Variants in DDX10 observed in about 807,000 individuals in gnomAD.
DDX10 encodes probable ATP-dependent RNA helicase DDX10.
DDX10 carries 74 observed loss-of-function variants against 104.3 expected under a neutral mutation model. The observed-to-expected ratio is 0.71, with a 90% CI of 0.59 to 0.86. The LOEUF (loss-of-function observed/expected upper bound fraction) is 0.86, where lower values mean the gene tolerates loss of function less well. DDX10 is among the 40% of genes least tolerant of loss of function. DDX10 has a pLI of 0.00. For missense variants in DDX10, 952 were observed against 1,040.0 expected, an observed-to-expected ratio of 0.92 and a Z score of 1.16; for synonymous variants, 351 against 353.4, an observed-to-expected ratio of 0.99 and a Z score of 0.08.
chr11:108,887,100 G>A (rs1368188531), intron 16 of DDX10, among the ~76,000 whole-genome samples: 3 of 152,068 alleles, frequency 2.0e-5, no homozygotes, highest in Non-Finnish European at 2.9e-5. Context: ...CCATGTTGTA[G>A]AGTTTGGAAA....
intron 13 of DDX10, among the ~76,000 whole-genome samples, chr11:108,785,075 C>T (rs918076822): frequency 6.6e-6 from 1 of 152,142 alleles, no homozygotes; most frequent in Non-Finnish European, 1.5e-5. Flanking sequence ...CAGTACCATG[C>T]TGTTTTGATC....
At chr11:108,692,181 A>G in intron 8 of DDX10, 143 bp downstream of exon 8, 2 of 693,582 alleles carry the variant, frequency 2.9e-6, no homozygotes. Flanking sequence ...GTAAATTGGT[A>G]GCAGTTGACT....
chr11:108,772,279 T>C (rs914021698), intron 13 of DDX10, among the ~76,000 whole-genome samples: 3 of 152,220 alleles, frequency 2.0e-5, no homozygotes, highest in Non-Finnish European at 4.4e-5. Context: ...ATTGCAGATA[T>C]AATTAAAAAT....
chr11:108,827,544 A>T (rs1284503108), intron 13 of DDX10, among the ~76,000 whole-genome samples: 1 of 152,352 alleles, frequency 6.6e-6, no homozygotes, highest in Admixed American at 6.5e-5. Context: ...AAGATTGGTA[A>T]ATATGGATAT....
At chr11:108,717,483 G>C (rs996231205) in intron 11 of DDX10, among the ~76,000 whole-genome samples, 1 of 152,000 alleles carries the variant, frequency 6.6e-6, no homozygotes, top group Non-Finnish European at 1.5e-5. Context: ...CCAATTTTTT[G>C]TATTTTTAGT....
chr11:108,814,851 A>G (rs1401614995), intron 13 of DDX10, among the ~76,000 whole-genome samples: 1 of 152,222 alleles, frequency 6.6e-6, no homozygotes, highest in Non-Finnish European at 1.5e-5. Context: ...CCATTGATTA[A>G]ATAATCTAGT....
At chr11:108,814,873 C>T (rs1862234586) in intron 13 of DDX10, among the ~76,000 whole-genome samples, 1 of 152,030 alleles carries the variant, frequency 6.6e-6, no homozygotes, top group African/African-American at 2.4e-5. Flanking sequence ...AATTATAAAT[C>T]CCAAGAAACT....
chr11:108,706,669 G>C (rs1304146177), intron 9 of DDX10, 70 bp from the exon 10 acceptor site: 1 of 1,181,024 alleles, frequency 8.5e-7, no homozygotes, highest in African/African-American at 1.5e-5. Context: ...GTTTACCTAT[G>C]CATCACTCTG....
chr11:108,883,680 G>C (rs1863257591), intron 16 of DDX10, among the ~76,000 whole-genome samples: 1 of 151,964 alleles, frequency 6.6e-6, no homozygotes, highest in Non-Finnish European at 1.5e-5. Context: ...CATCTCTTCA[G>C]GCTACTTACT....
chr11:108,688,423 A>G (rs2094247568), intron 6 of DDX10, among the ~76,000 whole-genome samples: 1 of 152,174 alleles, frequency 6.6e-6, no homozygotes, highest in Non-Finnish European at 1.5e-5. Context: ...TTTATTTTTG[A>G]TGGATTTCAG....
rs541287341 is a variant in DDX10, at chr11:108,778,630, A to G, written c.1965+55168A>G. Among the ~76,000 whole-genome samples the G allele has an allele frequency of 4.6e-5, 7 of 152,342 alleles. No individual in the cohort carries two copies. The South Asian group carries it at 1.0e-3, about 23-fold the overall frequency. ...AGGCAATACTGTTCAGGCCATAGGC[A>G]TGGGCAAGGACTTCATGACTAAAAC... On this transcript the variant is annotated intron_variant, in intron 13 of 17. Transcript: ENST00000322536.
chr11:108,738,976 C>T (rs1051207988), intron 13 of DDX10, among the ~76,000 whole-genome samples: 1 of 152,080 alleles, frequency 6.6e-6, no homozygotes, highest in African/African-American at 2.4e-5. Context: ...GCTTAGGAGA[C>T]CCCTATTGTT....
intron 14 of DDX10, among the ~76,000 whole-genome samples, chr11:108,840,165 A>G (rs867811355): frequency 1.3e-5 from 2 of 152,148 alleles, no homozygotes; most frequent in African/African-American, 2.4e-5. Flanking sequence ...GATCCCTCGC[A>G]TTGCCTCTTT....
chr11:108,760,748 T>A (rs1333631109), intron 13 of DDX10, among the ~76,000 whole-genome samples: 1 of 151,848 alleles, frequency 6.6e-6, no homozygotes, highest in African/African-American at 2.4e-5. Context: ...TGTTTTTGTA[T>A]CTCAATAACT....
At chr11:108,901,605 C>G (rs761045428) in intron 16 of DDX10, among the ~76,000 whole-genome samples, 22 of 152,132 alleles carry the variant, frequency 1.4e-4, no homozygotes, top group Non-Finnish European at 2.8e-4. Context: ...GAAAGCATCC[C>G]TTTGCTCCAA....
At chr11:108,894,142 T>C (rs1325165120) in intron 16 of DDX10, among the ~76,000 whole-genome samples, 3 of 152,070 alleles carry the variant, frequency 2.0e-5, no homozygotes, top group Non-Finnish European at 4.4e-5. Flanking sequence ...TAATTGGTTT[T>C]CTTGATTAAA....
chr11:108,717,184 A>C (rs2094292588), intron 11 of DDX10, among the ~76,000 whole-genome samples: 1 of 152,220 alleles, frequency 6.6e-6, no homozygotes, highest in Non-Finnish European at 1.5e-5. Context: ...GGGAGGAAGA[A>C]TATAAAGAAG....
chr11:108,859,744 C>G (rs987719283), intron 16 of DDX10, among the ~76,000 whole-genome samples: 36 of 152,252 alleles, frequency 2.4e-4, no homozygotes, highest in East Asian at 1.2e-3. Context: ...CATTATGTGG[C>G]TGAGTCTGTG....
intron 17 of DDX10, among the ~76,000 whole-genome samples, chr11:108,924,941 T>C (rs1279109763): frequency 2.6e-5 from 4 of 152,220 alleles, no homozygotes; most frequent in African/African-American, 9.6e-5. Flanking sequence ...GTGTAGAAAA[T>C]GTAGAAAGAG....
Sources: allele counts gnomAD v4.1 joint callset (sites outside exome capture counted in the v4.1 genomes callset), GRCh38; gene constraint gnomAD v4.1.1; transcripts MANE v1.5; gene names NCBI Gene and HGNC (gene_info 2026-07-23, HGNC 2026-07-21).